The following TRIM2 variants were observed in gnomAD, a reference collection of about 807,000 sequenced individuals.
TRIM2 encodes tripartite motif-containing protein 2.
A neutral mutation model predicts 75.2 loss-of-function variants in TRIM2; 20 were observed. The ratio of observed to expected loss-of-function variants is 0.27; its 90% CI spans 0.19 to 0.39. TRIM2 has a LOEUF of 0.39. Ranked by LOEUF, TRIM2 falls within the 10% of genes least tolerant of loss-of-function variation. The pLI is 1.00. For synonymous variants in TRIM2, 373 were observed against 388.3 expected, an observed-to-expected ratio of 0.96 and a Z score of 0.46; for missense variants, 660 against 990.8, an observed-to-expected ratio of 0.67 and a Z score of 4.48.
intron 1 of TRIM2, 116 bp downstream of exon 1, chr4:153,204,676 C>T: frequency 7.5e-7 from 1 of 1,341,136 alleles, no homozygotes; most frequent in Non-Finnish European, 1.0e-6. Context: ...AATTTTTTCC[C>T]TGCAGAAGAG....
In TRIM2 at chr4:153,329,274, T is replaced by C. The variant is rs145517298; in HGVS notation, c.2163+604T>C. ...TTTTACAATCCCATGTGTTTTGTTTTATGAATTTTAAAACACTATTGTGCT... is the reference window on the plus strand; with the variant it reads ...TTTTACAATCCCATGTGTTTTGTTTCATGAATTTTAAAACACTATTGTGCT... On this transcript the variant is annotated intron_variant, in intron 11 of 11. Transcript: ENST00000338700. 3.2e-3 allele frequency among the ~76,000 whole-genome samples: 485 copies of C among 152,212 alleles called. 3 individuals carry two copies. The highest frequency in any genetic ancestry group is 0.011 in the African/African-American group (437 of 41,534).
intron 3 of TRIM2, among the ~76,000 whole-genome samples, chr4:153,285,220 C>T (rs1448807980): frequency 6.6e-6 from 1 of 152,156 alleles, no homozygotes; most frequent in Non-Finnish European, 1.5e-5. Flanking sequence ...TGTGTTGACA[C>T]CCTTGTCAAG....
At chr4:153,308,024 C>T in intron 6 of TRIM2, 2 of 770,832 alleles carry the variant, frequency 2.6e-6, no homozygotes, top group Non-Finnish European at 4.8e-6. Context: ...CTCCTTTAAC[C>T]TCTTTCTTGA....
At chr4:153,259,815 T>C (rs1229586445) in intron 1 of TRIM2, among the ~76,000 whole-genome samples, 2 of 152,322 alleles carry the variant, frequency 1.3e-5, no homozygotes, top group East Asian at 1.9e-4. Flanking sequence ...CTCATAGAAA[T>C]TGGAGCTTTA....
At chr4:153,256,331 C>G (rs1327974098) in intron 1 of TRIM2, among the ~76,000 whole-genome samples, 1 of 152,192 alleles carries the variant, frequency 6.6e-6, no homozygotes. Context: ...AGCTGAGGCC[C>G]CTTCAAGGGC....
At chr4:153,268,997 C>T (rs989276709) in intron 1 of TRIM2, among the ~76,000 whole-genome samples, 2 of 152,116 alleles carry the variant, frequency 1.3e-5, no homozygotes, top group African/African-American at 4.8e-5. Context: ...ACACTCTGAA[C>T]CATATACAAA....
At chr4:153,203,337 G>A (rs78799167), upstream of TRIM2, among the ~76,000 whole-genome samples, 1,477 of 151,584 alleles carry the variant, frequency 9.7e-3, 23 homozygotes, top group South Asian at 0.062. Context: ...CACAATGATT[G>A]TGCCTGTGAA....
At chr4:153,170,372 CT>C (rs1425875204) in intron 1 of TRIM2, among the ~76,000 whole-genome samples, 1 of 152,106 alleles carries the variant, frequency 6.6e-6, no homozygotes, top group Non-Finnish European at 1.5e-5. Flanking sequence ...CCCTTGAACA[CT>C]AGGAATGGCA....
intron 6 of TRIM2, among the ~76,000 whole-genome samples, chr4:153,299,158 C>T (rs2150159428): frequency 6.6e-6 from 1 of 152,272 alleles, no homozygotes; most frequent in Non-Finnish European, 1.5e-5. Flanking sequence ...CCCCCACCCT[C>T]CCCAGCCTCT....
intron 1 of TRIM2, among the ~76,000 whole-genome samples, chr4:153,156,145 G>A (rs1729210793): frequency 6.6e-6 from 1 of 152,236 alleles, no homozygotes; most frequent in Non-Finnish European, 1.5e-5. Context: ...CCCTCATCCA[G>A]ATAGGCAACT....
At chr4:153,291,626 C>G (rs113554530) in intron 3 of TRIM2, among the ~76,000 whole-genome samples, 3,626 of 152,142 alleles carry the variant, frequency 0.024, 56 homozygotes, top group South Asian at 0.043. Context: ...TTATTTCCAG[C>G]TGAGAAAACA....
At chr4:153,271,848 G>A (rs1756758020) in intron 2 of TRIM2, among the ~76,000 whole-genome samples, 1 of 152,144 alleles carries the variant, frequency 6.6e-6, no homozygotes. Context: ...CTATAGAAGT[G>A]CATTCAGAGC....
At chr4:153,204,976 C>T (rs571506259) in intron 1 of TRIM2, among the ~76,000 whole-genome samples, 15 of 152,308 alleles carry the variant, frequency 9.8e-5, no homozygotes, top group Admixed American at 9.2e-4. Context: ...TTGAAAGGAC[C>T]TAATATCTGC....
At chr4:153,184,544 G>A (rs575430189) in intron 1 of TRIM2, among the ~76,000 whole-genome samples, 7 of 152,240 alleles carry the variant, frequency 4.6e-5, no homozygotes, top group African/African-American at 1.7e-4. Context: ...TAACAAGTAG[G>A]GTAAAGGGTA....
chr4:153,226,237 A>G (rs1299423385), intron 1 of TRIM2, among the ~76,000 whole-genome samples: 1 of 152,112 alleles, frequency 6.6e-6, no homozygotes, highest in Non-Finnish European at 1.5e-5. Flanking sequence ...AATTTTCAAT[A>G]TTTTCCTTTT....
At chr4:153,230,181 C>A (rs1743245329) in intron 1 of TRIM2, among the ~76,000 whole-genome samples, 1 of 151,892 alleles carries the variant, frequency 6.6e-6, no homozygotes, top group Non-Finnish European at 1.5e-5. Context: ...GCCATCCACA[C>A]TATTTTTTTT....
At chr4:153,187,057 G>A (rs1219155174) in intron 1 of TRIM2, among the ~76,000 whole-genome samples, 1 of 152,150 alleles carries the variant, frequency 6.6e-6, no homozygotes, top group Non-Finnish European at 1.5e-5. Flanking sequence ...AATTCCACAG[G>A]AAGATAACCC....
chr4:153,208,900 T>C (rs1177703648), intron 1 of TRIM2, among the ~76,000 whole-genome samples: 1 of 152,202 alleles, frequency 6.6e-6, no homozygotes, highest in East Asian at 1.9e-4. Context: ...GGTCTGGAGC[T>C]GGGAGCACAT....
chr4:153,178,503 C>G (rs527928188), intron 1 of TRIM2, among the ~76,000 whole-genome samples: 2 of 152,176 alleles, frequency 1.3e-5, no homozygotes, highest in Non-Finnish European at 2.9e-5. Flanking sequence ...TATAGTGAAA[C>G]AGAAGTCACA....
Sources: gnomAD v4.1 joint callset for allele counts (sites outside exome capture counted in the v4.1 genomes callset) on GRCh38, gnomAD v4.1.1 for gene constraint, MANE v1.5 for transcripts, NCBI Gene and HGNC (gene_info 2026-07-23, HGNC 2026-07-21) for gene names.